Variants in COX6C observed in about 807,000 individuals in gnomAD.
The protein encoded by COX6C is cytochrome c oxidase polypeptide VIc.
Under a neutral mutation model 6.9 loss-of-function variants are expected in COX6C, and 3 were observed. The observed-to-expected ratio is 0.43, with a 90% CI of 0.20 to 1.12. COX6C has a LOEUF of 1.12. Among genes scored for constraint, COX6C ranks in the 50% most tolerant of loss-of-function variants. The pLI is 0.27. For synonymous variants in COX6C, 32 were observed against 32.0 expected (o/e 1.00, Z 0.00); for missense variants, 101 against 97.3 (o/e 1.04, Z -0.16).
chr8:99,879,319 G>GTC (rs1318268260), intron 3 of COX6C, among the ~76,000 whole-genome samples: 2 of 152,180 alleles, frequency 1.3e-5, no homozygotes, highest in East Asian at 3.9e-4. Context: ...AAGACAGCTA[G>GTC]TCACTCGTGG....
intron 3 of COX6C, among the ~76,000 whole-genome samples, chr8:99,878,985 G>A (rs913451897): frequency 1.3e-5 from 2 of 152,116 alleles, no homozygotes; most frequent in African/African-American, 4.8e-5. Flanking sequence ...CATATATGTA[G>A]TGCAACTGAA....
intron 3 of COX6C, among the ~76,000 whole-genome samples, chr8:99,883,889 A>G (rs1327434644): frequency 6.6e-6 from 1 of 152,232 alleles, no homozygotes; most frequent in Non-Finnish European, 1.5e-5. Context: ...GTGACATACC[A>G]CACTGACAGA....
chr8:99,884,505 AT>A (rs1359325214), intron 3 of COX6C, among the ~76,000 whole-genome samples: 1 of 152,236 alleles, frequency 6.6e-6, no homozygotes, highest in Non-Finnish European at 1.5e-5. Flanking sequence ...CATTCATGCA[AT>A]CCCCATGGTA....
At chr8:99,891,882 C>T (rs1051382455) in intron 2 of COX6C, 26 bp downstream of exon 2, 4 of 1,590,994 alleles carry the variant, frequency 2.5e-6, no homozygotes, top group Admixed American at 3.3e-5. Context: ...TTATGACCTT[C>T]GGCACAAAGT....
intron 3 of COX6C, among the ~76,000 whole-genome samples, chr8:99,879,118 T>C (rs1817812140): frequency 6.6e-6 from 1 of 152,254 alleles, no homozygotes; most frequent in South Asian, 2.1e-4. Context: ...TGTTCTTTTT[T>C]GTTAAATATA....
At chr8:99,884,460 T>C (rs887842201) in intron 3 of COX6C, among the ~76,000 whole-genome samples, 9 of 152,192 alleles carry the variant, frequency 5.9e-5, no homozygotes, top group East Asian at 1.9e-4. Context: ...GAAACAGATA[T>C]ATACCTGTAT....
intron 2 of COX6C, 134 bp downstream of exon 2, chr8:99,891,774 A>T: frequency 1.3e-6 from 1 of 754,430 alleles, no homozygotes; most frequent in South Asian, 1.6e-5. Context: ...GACAAGCTAT[A>T]GTTCCTGTCA....
chr8:99,884,804 TAAAAG>T (rs1397820612), intron 3 of COX6C, among the ~76,000 whole-genome samples: 2 of 152,038 alleles, frequency 1.3e-5, no homozygotes, highest in African/African-American at 4.8e-5. Context: ...GTAGCAACAC[TAAAAG>T]AAATTAAAGA....
chr8:99,883,471 A>ATTT (rs71274942), intron 3 of COX6C, among the ~76,000 whole-genome samples: 3,129 of 137,590 alleles, frequency 0.023, 34 homozygotes, highest in Middle Eastern at 0.041. Flanking sequence ...ATATATATAT[A>ATTT]TTTTTTTTTT....
chr8:99,891,182 A>ATT, intron 2 of COX6C, among the ~76,000 whole-genome samples: 1 of 152,300 alleles, frequency 6.6e-6, no homozygotes, highest in South Asian at 2.1e-4. Context: ...GTTTTTTGGA[A>ATT]ATAAGGGCTT....
intron 2 of COX6C, among the ~76,000 whole-genome samples, chr8:99,888,371 G>C (rs1168035088): frequency 2.0e-5 from 3 of 152,044 alleles, no homozygotes; most frequent in Non-Finnish European, 4.4e-5. Context: ...AGGAATTGGA[G>C]ACCAGCCTGG....
chr8:99,882,748 T>C (rs553462459), intron 3 of COX6C, among the ~76,000 whole-genome samples: 59 of 139,802 alleles, frequency 4.2e-4, no homozygotes, highest in African/African-American at 1.7e-3. Context: ...AACAATTATA[T>C]GTAAACAAAC....
chr8:99,881,894 G>A (rs1287284981), intron 3 of COX6C, among the ~76,000 whole-genome samples: 1 of 152,190 alleles, frequency 6.6e-6, no homozygotes, highest in Non-Finnish European at 1.5e-5. Flanking sequence ...AAGTGAACGG[G>A]TAGAAAAAGA....
chr8:99,883,455 A>G (rs187231869), intron 3 of COX6C, among the ~76,000 whole-genome samples: 5,806 of 130,944 alleles, frequency 0.044, 134 homozygotes, highest in Middle Eastern at 0.063. Flanking sequence ...GTGTGTGTGT[A>G]TATATATATA....
intron 2 of COX6C, among the ~76,000 whole-genome samples, chr8:99,889,962 C>T (rs1484367542): frequency 5.3e-5 from 8 of 151,776 alleles, no homozygotes; most frequent in Non-Finnish European, 7.4e-5. Context: ...GGTGTGGTGG[C>T]GGACGCCTGT....
At chr8:99,890,333 A>T (rs901096015) in intron 2 of COX6C, among the ~76,000 whole-genome samples, 10 of 152,120 alleles carry the variant, frequency 6.6e-5, no homozygotes, top group African/African-American at 2.4e-4. Flanking sequence ...ATAACTGTGA[A>T]CCACAACATC....
Position 99,892,043 on chromosome 8 carries a change from G to C in COX6C, c.-22C>G. On this transcript the variant is annotated 5_prime_UTR_variant, in exon 2 of 4. Transcript: ENST00000520468. ...CCATGGTAGTTACTGTCCTTGATAC[G>C]TATGCTAACCTTAAGAGATTCAGAA... 1 of 1,556,428 alleles carries C rather than the reference G, an allele frequency of 6.4e-7. No homozygotes were observed. Among genetic ancestry groups the C allele is most frequent in the Non-Finnish European group, 8.8e-7 (1 of 1,136,330 alleles).
intron 2 of COX6C, among the ~76,000 whole-genome samples, chr8:99,888,751 T>C (rs1439817214): frequency 6.6e-6 from 1 of 152,216 alleles, no homozygotes; most frequent in Non-Finnish European, 1.5e-5. Flanking sequence ...AAGGCCAGAC[T>C]GTTGGACCCA....
chr8:99,887,505 T>C lies in COX6C; in HGVS notation c.228A>G (p.Ter76=), dbSNP rs377267451. The C allele has an allele frequency of 7.0e-6, 11 of 1,572,626 alleles. No individual in the cohort carries two copies. Among genetic ancestry groups the C allele is most frequent in the Non-Finnish European group, 8.6e-6 (10 of 1,163,578 alleles). The change falls in exon 3 of 4, where the codon TAA becomes TAG. Residue 76 remains the stop codon, a stop_retained_variant. Transcript: ENST00000520468. The stretch of plus-strand genomic sequence containing the variant: ...ACCATATTACCTTTATATTCCAAGA[T>C]TACTTTACACTCTGAAAGATACCAG... ...RKAGIFQSVK[*]
Sources: gnomAD v4.1 joint callset for allele counts (sites outside exome capture counted in the v4.1 genomes callset) on GRCh38, gnomAD v4.1.1 for gene constraint, MANE v1.5 for transcripts, NCBI Gene and HGNC (gene_info 2026-07-23, HGNC 2026-07-21) for gene names.